PCDHGA2: variants seen among roughly 807,000 people sequenced by gnomAD.
PCDHGA2 encodes protocadherin gamma-A2.
In PCDHGA2, 40 loss-of-function variants were observed where a neutral mutation model predicts 59.2. The ratio of observed to expected loss-of-function variants is 0.68; its 90% confidence interval spans 0.52 to 0.88. The LOEUF is 0.88. Ranked by LOEUF, PCDHGA2 falls within the 40% of genes least tolerant of loss-of-function variation. The pLI is 0.00. For missense variants in PCDHGA2, 1,226 were observed against 1,204.0 expected, an observed-to-expected ratio of 1.02 and a Z score of -0.27; for synonymous variants, 560 against 526.0, an observed-to-expected ratio of 1.06 and a Z score of -0.89.
Position 141,408,776 on chromosome 5 carries a change from C to T in PCDHGA2, c.2424+67381C>T, listed in dbSNP as rs748401410. 54 of 1,611,566 alleles carry T rather than the reference C, an allele frequency of 3.4e-5. No homozygotes were observed. The highest frequency in any genetic ancestry group is 4.4e-5 in the Non-Finnish European group (52 of 1,178,840). On this transcript the variant is annotated intron_variant, in intron 1 of 3. Coordinates refer to ENST00000394576, the MANE Select transcript of PCDHGA2 (RefSeq NM_018915.4). Reference sequence around the variant, plus strand: ...AGTTAATTCCGATGGTGGCAAATACCCAGAGTTATCTCTGGAGAAACTCCT... The same window carrying T: ...AGTTAATTCCGATGGTGGCAAATACTCAGAGTTATCTCTGGAGAAACTCCT...
chr5:141,404,325 C>G (rs762306578), intron 1 of PCDHGA2: 7 of 1,613,876 alleles, frequency 4.3e-6, no homozygotes, highest in Non-Finnish European at 5.9e-6. Flanking sequence ...GCCTCCTACT[C>G]AGTCTACCTC....
At chr5:141,368,160 C>T (rs1017595982) in intron 1 of PCDHGA2, among the ~76,000 whole-genome samples, 1 of 152,084 alleles carries the variant, frequency 6.6e-6, no homozygotes, top group Non-Finnish European at 1.5e-5. Context: ...AAACCTTGAG[C>T]ATCAGCTTCA....
At chr5:141,355,685 T>C in intron 1 of PCDHGA2, 3 of 1,613,982 alleles carry the variant, frequency 1.9e-6, no homozygotes, top group Non-Finnish European at 2.5e-6. Flanking sequence ...GATCCGGATG[T>C]AGGTGTAAAC....
rs375469126 is a variant in PCDHGA2 at position 141,405,300 on chromosome 5, A to G, written c.2424+63905A>G. 207 of 1,614,206 alleles carry G rather than the reference A, an allele frequency of 1.3e-4. No homozygotes were observed. Among genetic ancestry groups the G allele is most frequent in the Non-Finnish European group, 1.6e-4 (193 of 1,180,010 alleles). On this transcript the variant is annotated intron_variant, in intron 1 of 3. Transcript: ENST00000394576. Reference sequence around the variant, plus strand: ...TATGCAGACACACTCATCAGCCAGCAGAGCTGTGAGAAAAATGAGCCTTTG... The same window carrying G: ...TATGCAGACACACTCATCAGCCAGCGGAGCTGTGAGAAAAATGAGCCTTTG...
intron 1 of PCDHGA2, chr5:141,372,188 G>C: frequency 6.2e-7 from 1 of 1,613,564 alleles, no homozygotes; most frequent in Non-Finnish European, 8.5e-7. Context: ...ACGCAGACTC[G>C]GGATACAACG....
intron 1 of PCDHGA2, chr5:141,409,339 T>G: frequency 6.2e-7 from 1 of 1,613,954 alleles, no homozygotes; most frequent in South Asian, 1.1e-5. Context: ...TCGGAGGAAA[T>G]GGAGAAGTCA....
At position 141,477,924 on chromosome 5, in the gene PCDHGA2, A is replaced by G; in HGVS notation, c.2425-16883A>G. 1 of 1,614,140 alleles carries G rather than the reference A, an allele frequency of 6.2e-7. No homozygotes were observed. On this transcript the variant is annotated intron_variant, in intron 1 of 3. Transcript: ENST00000394576. The surrounding 1 kb of genome is among the most constrained non-coding windows in gnomAD (Gnocchi z 4.9). ...GGCTGGGACGCGGATGCAGGGCACA[A>G]TGCCTGGCTCTCCTACAGTCTCTTG...
At chr5:141,412,987 A>T (rs192699644) in intron 1 of PCDHGA2, 1 of 564,522 alleles carries the variant, frequency 1.8e-6, no homozygotes, top group African/African-American at 1.9e-5. Flanking sequence ...GCCAGAGCTC[A>T]ATCCGGATTC....
intron 1 of PCDHGA2, among the ~76,000 whole-genome samples, chr5:141,435,219 C>A (rs1226171884): frequency 6.6e-6 from 1 of 152,118 alleles, no homozygotes; most frequent in Non-Finnish European, 1.5e-5. Flanking sequence ...AATTTACTTT[C>A]TTTCAAAGTT....
chr5:141,427,370 G>A (rs915167509), intron 1 of PCDHGA2: 17 of 457,836 alleles, frequency 3.7e-5, no homozygotes, highest in African/African-American at 2.4e-4. Flanking sequence ...AACCCTGGAC[G>A]GTGATCACTC....
rs1350353768 is a variant in PCDHGA2, at chr5:141,476,524, T to A, written c.2425-18283T>A. Reference sequence around the variant, plus strand: ...TCAACGACAACAATCCTGCTTTCCCTACCCAGGAAATGAAATTGGAGATTA... The same window carrying A: ...TCAACGACAACAATCCTGCTTTCCCAACCCAGGAAATGAAATTGGAGATTA... On this transcript the variant is annotated intron_variant, in intron 1 of 3. Coordinates refer to ENST00000394576, the MANE Select transcript of PCDHGA2 (RefSeq NM_018915.4). The surrounding 1 kb of genome is among the most constrained non-coding windows in gnomAD (Gnocchi z 7.6). The A allele has an allele frequency of 1.2e-5, 20 of 1,614,064 alleles. No homozygotes were observed. The highest frequency in any genetic ancestry group is 1.7e-5 in the Non-Finnish European group (20 of 1,180,036).
rs771681529 is a variant in PCDHGA2 at position 141,486,617 on chromosome 5, C to T, written c.2425-8190C>T. The T allele has an allele frequency of 1.2e-6, 2 of 1,613,602 alleles. No individual in the cohort carries two copies. Among genetic ancestry groups the T allele is most frequent in the Non-Finnish European group, 1.7e-6 (2 of 1,180,036 alleles). On this transcript the variant is annotated intron_variant, in intron 1 of 3. Coordinates refer to ENST00000394576, the MANE Select transcript of PCDHGA2 (RefSeq NM_018915.4). The surrounding 1 kb of genome is among the most constrained non-coding windows in gnomAD (Gnocchi z 5.0). ...GCTTTGCTCCCTTGCAGCCTCTGAC[C>T]CAGACTCTGGCTTGAATGCGCTTAT...
At chr5:141,413,785 C>G (rs771027783) in intron 1 of PCDHGA2, 17 of 1,613,070 alleles carry the variant, frequency 1.1e-5, no homozygotes, top group Non-Finnish European at 1.4e-5. Flanking sequence ...GGAGCACTCC[C>G]TAGATCGCGA....
chr5:141,421,530 C>T (rs377652360), intron 1 of PCDHGA2: 274 of 1,613,922 alleles, frequency 1.7e-4, no homozygotes, highest in Non-Finnish European at 2.3e-4. Flanking sequence ...AGACGGTGTC[C>T]TCCTGTTTTT....
intron 2 of PCDHGA2, among the ~76,000 whole-genome samples, chr5:141,495,994 T>C (rs2099765151): frequency 6.6e-6 from 1 of 152,146 alleles, no homozygotes; most frequent in Non-Finnish European, 1.5e-5. Flanking sequence ...ATCTCTCTTT[T>C]TCTTTTATCT....
Position 141,364,935 on chromosome 5 carries a change from G to T in PCDHGA2, c.2424+23540G>T, listed in dbSNP as rs1240232107. ...CTGGTGTTGGAACAGCCCCTAGACCGCGAGAAAGAGACTGTTCACGACCTC... is the reference window on the plus strand; with the variant it reads ...CTGGTGTTGGAACAGCCCCTAGACCTCGAGAAAGAGACTGTTCACGACCTC... On this transcript the variant is annotated intron_variant, in intron 1 of 3. Coordinates refer to ENST00000394576, the MANE Select transcript of PCDHGA2 (RefSeq NM_018915.4). The T allele has an allele frequency of 3.1e-6, 5 of 1,613,906 alleles. No individual in the cohort carries two copies. In the Admixed American group the frequency reaches 8.3e-5, roughly 27 times the overall value.
At chr5:141,479,505 G>A (rs2099498324) in intron 1 of PCDHGA2, 1 of 152,262 alleles carries the variant, frequency 6.6e-6, no homozygotes, top group African/African-American at 2.4e-5. Flanking sequence ...CCTAAAGAGG[G>A]GTGAACTGGC....
intron 1 of PCDHGA2, chr5:141,391,629 T>C (rs1048656119): frequency 6.6e-6 from 1 of 152,234 alleles, no homozygotes; most frequent in African/African-American, 2.4e-5. Flanking sequence ...AAGAAAGTTT[T>C]AGTCAGTGAA....
intron 1 of PCDHGA2, among the ~76,000 whole-genome samples, chr5:141,449,606 A>AG (rs1263111904): frequency 2.0e-5 from 3 of 150,702 alleles, no homozygotes; most frequent in Non-Finnish European, 3.0e-5. Flanking sequence ...AAAAAAAAAA[A>AG]AGTAAAAAAG....
Sources: gnomAD v4.1 joint callset for allele counts (sites outside exome capture counted in the v4.1 genomes callset) on GRCh38, gnomAD v4.1.1 for gene constraint, Gnocchi (gnomAD v3.1) non-coding constraint, MANE v1.5 for transcripts, NCBI Gene and HGNC (gene_info 2026-07-23, HGNC 2026-07-21) for gene names.